The following PIK3C3 variants were observed in gnomAD, a reference collection of about 807,000 sequenced individuals.
PIK3C3 encodes PI3-kinase type 3.
PIK3C3 carries 95 observed loss-of-function variants against 126.1 expected under a neutral mutation model. That is an observed-to-expected ratio of 0.75 (90% CI 0.64 to 0.89). The LOEUF is 0.89. Among genes scored for constraint, PIK3C3 ranks in the 40% least tolerant of loss-of-function variants. PIK3C3 has a pLI of 0.00. For synonymous variants in PIK3C3, 374 were observed against 360.0 expected, an observed-to-expected ratio of 1.04 and a Z score of -0.44; for missense variants, 829 against 1,063.2, an observed-to-expected ratio of 0.78 and a Z score of 3.06.
intron 9 of PIK3C3, among the ~76,000 whole-genome samples, chr18:41,999,001 T>C (rs1427083142): frequency 6.6e-6 from 1 of 152,138 alleles, no homozygotes; most frequent in East Asian, 1.9e-4. Flanking sequence ...GAAAACAAAT[T>C]GGAGGAAATT....
At chr18:41,992,994 G>A (rs550141735) in intron 6 of PIK3C3, among the ~76,000 whole-genome samples, 1 of 152,080 alleles carries the variant, frequency 6.6e-6, no homozygotes, top group Admixed American at 6.6e-5. Flanking sequence ...TTAAAAAAAA[G>A]GAACAACTCG....
chr18:41,981,023 T>C lies in PIK3C3; in HGVS notation c.532-6789T>C, dbSNP rs187010998. On this transcript the variant is annotated intron_variant, in intron 4 of 24. Transcript: ENST00000262039. ...CTATCAAATTTATTCATTGATGTCA[T>C]TGATATCACCAAATATACCTCCTAG... Among the ~76,000 whole-genome samples the C allele has an allele frequency of 9.8e-4, 149 of 152,348 alleles. 2 individuals are homozygous for C. Among genetic ancestry groups the C allele is most frequent in the South Asian group, 6.6e-3 (32 of 4,832 alleles).
intron 16 of PIK3C3, among the ~76,000 whole-genome samples, chr18:42,036,520 GTCTC>G (rs1027345345): frequency 6.6e-6 from 1 of 151,018 alleles, no homozygotes; most frequent in Non-Finnish European, 1.5e-5. Context: ...ACTCAATAGG[GTCTC>G]TCTCTCTCAG....
At chr18:42,046,968 G>A (rs1303030710) in intron 20 of PIK3C3, among the ~76,000 whole-genome samples, 1 of 151,948 alleles carries the variant, frequency 6.6e-6, no homozygotes, top group East Asian at 1.9e-4. Context: ...ACTTATTTTT[G>A]CATTTCCATA....
At chr18:41,962,331 C>T (rs1490824749) in intron 2 of PIK3C3, among the ~76,000 whole-genome samples, 158 bp from the exon 3 acceptor site, 1 of 151,800 alleles carries the variant, frequency 6.6e-6, no homozygotes, top group Non-Finnish European at 1.5e-5. Context: ...TGGAAAGTTG[C>T]CTTTAGCAAA....
At chr18:42,057,065 C>G (rs374351408) in intron 21 of PIK3C3, among the ~76,000 whole-genome samples, 2 of 142,394 alleles carry the variant, frequency 1.4e-5, no homozygotes, top group East Asian at 2.2e-4. Flanking sequence ...TGAACCCCCC[C>G]CCCCGTGTTG....
At chr18:42,016,691 G>C (rs919465795) in intron 12 of PIK3C3, among the ~76,000 whole-genome samples, 4 of 152,136 alleles carry the variant, frequency 2.6e-5, no homozygotes, top group Admixed American at 1.3e-4. Flanking sequence ...TAAGACCAGA[G>C]TTTAAGTGTA....
At chr18:42,032,674 G>A (rs1055269228) in intron 15 of PIK3C3, among the ~76,000 whole-genome samples, 1 of 136,882 alleles carries the variant, frequency 7.3e-6, no homozygotes, top group African/African-American at 2.8e-5. Flanking sequence ...ATTTTAATTA[G>A]CGCATCAACT....
chr18:42,064,804 C>A lies in PIK3C3; in HGVS notation c.2497C>A (p.Leu833Ile). 6.3e-7 allele frequency: 1 copy of A among 1,597,766 alleles called. No homozygotes were observed. Among genetic ancestry groups the A allele is most frequent in the Non-Finnish European group, 8.6e-7 (1 of 1,165,454 alleles). Residue 833 changes from leucine to isoleucine, a missense_variant, in exon 23 of 25, where the codon CTT (leucine) becomes ATT (isoleucine). By Grantham distance (5) the Leu-to-Ile change is conservative. Transcript: ENST00000262039. Reference sequence around the variant, plus strand: ...TGATGCAAACATTCCAGATATTGCACTTGAACCAGATAAAACTGTGAAAAA... The same window carrying A: ...TGATGCAAACATTCCAGATATTGCAATTGAACCAGATAAAACTGTGAAAAA... ...MVDANIPDIA[L>I]EPDKTVKKVQ... is the part of the protein sequence containing the mutation.
Position 41,955,362 on chromosome 18 carries a change from A to G in PIK3C3, c.68+3A>G. The G allele has an allele frequency of 6.2e-7, 1 of 1,612,178 alleles. No individual in the cohort carries two copies. The highest frequency in any genetic ancestry group is 8.5e-7 in the Non-Finnish European group (1 of 1,178,638). On this transcript the variant is annotated splice_donor_region_variant and intron_variant, in intron 1 of 24. Coordinates refer to ENST00000262039, the MANE Select transcript of PIK3C3 (RefSeq NM_002647.4). Reference sequence around the variant, plus strand: ...GATATCAACGTCCAGCTTAAGATGTAAGAGAACACTCGGGACAGGGAGTGG... The same window carrying G: ...GATATCAACGTCCAGCTTAAGATGTGAGAGAACACTCGGGACAGGGAGTGG...
chr18:42,043,870 A>G, intron 20 of PIK3C3, 53 bp downstream of exon 20: 1 of 1,111,542 alleles, frequency 9.0e-7, no homozygotes, highest in Non-Finnish European at 1.4e-6. Flanking sequence ...AGAGCAGGCC[A>G]TCCTGATATT....
At chr18:42,058,175 A>G in intron 22 of PIK3C3, 124 bp downstream of exon 22, 1 of 669,016 alleles carries the variant, frequency 1.5e-6, no homozygotes, top group Non-Finnish European at 2.3e-6. Flanking sequence ...CAAAGGCAAC[A>G]ATATTTCCTA....
At chr18:41,985,240 TA>T (rs1257873619) in intron 4 of PIK3C3, 1 of 152,168 alleles carries the variant, frequency 6.6e-6, no homozygotes, top group Non-Finnish European at 1.5e-5. Context: ...AAAAAAAAGA[TA>T]ATGAGAAACA....
chr18:42,061,885 C>A (rs566691086), intron 22 of PIK3C3, among the ~76,000 whole-genome samples: 1 of 151,950 alleles, frequency 6.6e-6, no homozygotes, highest in Non-Finnish European at 1.5e-5. Flanking sequence ...AAAGGAACAT[C>A]GCATTCTACA....
At chr18:41,974,020 A>G (rs1232192001) in intron 4 of PIK3C3, among the ~76,000 whole-genome samples, 3 of 152,168 alleles carry the variant, frequency 2.0e-5, no homozygotes, top group Non-Finnish European at 4.4e-5. Flanking sequence ...CATTTTTACT[A>G]TGCATGGTAC....
chr18:42,048,041 G>A (rs1410489984), intron 20 of PIK3C3, among the ~76,000 whole-genome samples: 1 of 152,074 alleles, frequency 6.6e-6, no homozygotes, highest in Non-Finnish European at 1.5e-5. Flanking sequence ...AAAAACTGAG[G>A]GGAACCAGAT....
intron 10 of PIK3C3, among the ~76,000 whole-genome samples, chr18:42,008,271 A>G (rs1421837369): frequency 1.3e-5 from 2 of 152,198 alleles, no homozygotes; most frequent in Admixed American, 6.5e-5. Context: ...GACAGATCCC[A>G]TATTAGAATT....
chr18:42,013,111 C>T (rs1008429553), intron 10 of PIK3C3, among the ~76,000 whole-genome samples: 2 of 138,972 alleles, frequency 1.4e-5, no homozygotes, highest in East Asian at 2.4e-4. Context: ...GAATCCTTCC[C>T]ACTTTTTTTT....
chr18:41,960,070 C>G (rs914863086), intron 2 of PIK3C3, among the ~76,000 whole-genome samples: 1 of 152,084 alleles, frequency 6.6e-6, no homozygotes, highest in African/African-American at 2.4e-5. Context: ...TATTTTAGGG[C>G]CAGTATGAGA....
Sources: gnomAD v4.1 joint callset for allele counts (sites outside exome capture counted in the v4.1 genomes callset) on GRCh38, gnomAD v4.1.1 for gene constraint, MANE v1.5 for transcripts, NCBI Gene and HGNC (gene_info 2026-07-23, HGNC 2026-07-21) for gene names.